The following PCDH9 variants were observed in gnomAD, a reference collection of about 807,000 sequenced individuals.
PCDH9 encodes the protein protocadherin 9.
In PCDH9, 24 loss-of-function variants were observed where a neutral mutation model predicts 70.6. The ratio of observed to expected loss-of-function variants is 0.34; its 90% CI spans 0.25 to 0.48. The LOEUF (loss-of-function observed/expected upper bound fraction) is 0.48. Ranked by LOEUF, PCDH9 falls within the 20% of genes least tolerant of loss-of-function variation. PCDH9 has a pLI of 0.99. For synonymous variants in PCDH9, 562 were observed against 558.5 expected, an observed-to-expected ratio of 1.01 and a Z score of -0.09; for missense variants, 1,281 against 1,503.6, an observed-to-expected ratio of 0.85 and a Z score of 2.45.
At chr13:67,054,603 A>C (rs1421699513) in intron 2 of PCDH9, among the ~76,000 whole-genome samples, 2 of 152,166 alleles carry the variant, frequency 1.3e-5, no homozygotes, top group Non-Finnish European at 2.9e-5. Context: ...GTTTTTGACA[A>C]TTATGTTAAC....
At chr13:66,609,351 A>T (rs904099202) in intron 4 of PCDH9, among the ~76,000 whole-genome samples, 3 of 152,158 alleles carry the variant, frequency 2.0e-5, no homozygotes, top group Non-Finnish European at 4.4e-5. Flanking sequence ...CTTTTTGCTA[A>T]CTTAAAATGT....
intron 3 of PCDH9, among the ~76,000 whole-genome samples, chr13:66,664,098 T>C (rs1404533710): frequency 6.6e-6 from 1 of 152,198 alleles, no homozygotes; most frequent in Admixed American, 6.5e-5. Flanking sequence ...ACATACAAAG[T>C]GTGATATATA....
intron 4 of PCDH9, among the ~76,000 whole-genome samples, chr13:66,541,807 A>G (rs568514675): frequency 6.6e-6 from 1 of 152,318 alleles, no homozygotes; most frequent in Admixed American, 6.5e-5. Context: ...CAGAGTAGAT[A>G]CTCAGTTATA....
intron 4 of PCDH9, among the ~76,000 whole-genome samples, chr13:66,347,973 C>T (rs1384008258): frequency 6.6e-6 from 1 of 152,152 alleles, no homozygotes; most frequent in Non-Finnish European, 1.5e-5. Context: ...AAATAGCAGC[C>T]TTTCTTCAGG....
intron 4 of PCDH9, among the ~76,000 whole-genome samples, chr13:66,551,087 C>A (rs1961465879): frequency 6.6e-6 from 1 of 151,986 alleles, no homozygotes; most frequent in Non-Finnish European, 1.5e-5. Flanking sequence ...TTTTTAATTT[C>A]TCATTTTCTA....
At chr13:66,681,485 T>C (rs895776332) in intron 3 of PCDH9, among the ~76,000 whole-genome samples, 49 of 152,108 alleles carry the variant, frequency 3.2e-4, no homozygotes, top group African/African-American at 1.2e-3. Context: ...CCAAAATGCT[T>C]AACAGGACTT....
intron 3 of PCDH9, among the ~76,000 whole-genome samples, chr13:66,743,349 TG>T (rs1345772046): frequency 3.4e-5 from 3 of 88,232 alleles, no homozygotes; most frequent in African/African-American, 4.7e-5. Context: ...TGTGGTGGGG[TG>T]GGGGGAGGGG....
intron 2 of PCDH9, among the ~76,000 whole-genome samples, chr13:67,169,568 ATAAAC>A (rs1234127510): frequency 6.6e-6 from 1 of 152,172 alleles, no homozygotes; most frequent in African/African-American, 2.4e-5. Context: ...ATGTTCCACA[ATAAAC>A]TAAAGGGATT....
intron 3 of PCDH9, among the ~76,000 whole-genome samples, chr13:66,902,308 G>C (rs1057022432): frequency 6.6e-6 from 1 of 151,618 alleles, no homozygotes; most frequent in Non-Finnish European, 1.5e-5. Context: ...TTAGGGGATA[G>C]AGCTGTTCGA....
intron 2 of PCDH9, chr13:67,218,253 T>C (rs2089651475): frequency 6.6e-6 from 1 of 152,100 alleles, no homozygotes; most frequent in Non-Finnish European, 1.5e-5. Flanking sequence ...TGTGATGGCA[T>C]TCATCTGGAG....
intron 2 of PCDH9, among the ~76,000 whole-genome samples, chr13:66,928,418 C>T (rs749526121): frequency 1.4e-4 from 22 of 152,008 alleles, no homozygotes; most frequent in Non-Finnish European, 2.5e-4. Context: ...TAGTATTATT[C>T]CCATTTTTCT....
At chr13:66,392,377 T>C (rs1957032762) in intron 4 of PCDH9, among the ~76,000 whole-genome samples, 1 of 152,114 alleles carries the variant, frequency 6.6e-6, no homozygotes, top group African/African-American at 2.4e-5. Context: ...AAAAATTATA[T>C]AGCTCTCATA....
intron 4 of PCDH9, among the ~76,000 whole-genome samples, chr13:66,459,745 T>C (rs1411859088): frequency 6.6e-6 from 1 of 152,024 alleles, no homozygotes; most frequent in Non-Finnish European, 1.5e-5. Context: ...TATGCATTAA[T>C]GTTTGATGTT....
intron 4 of PCDH9, among the ~76,000 whole-genome samples, chr13:66,614,661 G>A (rs1335831743): frequency 6.6e-6 from 1 of 152,166 alleles, no homozygotes; most frequent in African/African-American, 2.4e-5. Flanking sequence ...AGAAAAGAGA[G>A]GATTATTTGA....
rs137981862 is a variant in PCDH9, at chr13:66,696,303, A to G, written c.3139-64892T>C. Among the ~76,000 whole-genome samples the G allele has an allele frequency of 2.1e-3, 323 of 152,324 alleles. 1 individual carries two copies. The highest frequency in any genetic ancestry group is 7.5e-3 in the African/African-American group (313 of 41,586). The stretch of plus-strand genomic sequence containing the variant: ...ACTTCATTTATGTTACACCAACTCA[A>G]TATTCAGTTATCATTGATGTACTTT... On this transcript the variant is annotated intron_variant, in intron 3 of 4. Transcript: ENST00000377865.
chr13:66,961,316 G>A (rs1258208898), intron 2 of PCDH9, among the ~76,000 whole-genome samples: 1 of 152,026 alleles, frequency 6.6e-6, no homozygotes, highest in Non-Finnish European at 1.5e-5. Flanking sequence ...GCACAATAAT[G>A]GCAAAAAACA....
chr13:66,519,265 T>C (rs1332589895), intron 4 of PCDH9, among the ~76,000 whole-genome samples: 3 of 152,062 alleles, frequency 2.0e-5, no homozygotes, highest in African/African-American at 7.2e-5. Flanking sequence ...AAAAACCAGA[T>C]ACCTGGTAAG....
chr13:66,781,980 T>C (rs916306147), intron 3 of PCDH9, among the ~76,000 whole-genome samples: 1 of 152,156 alleles, frequency 6.6e-6, no homozygotes, highest in Non-Finnish European at 1.5e-5. Context: ...GAACAGCCAT[T>C]AAAGAGATAA....
At chr13:66,733,105 TC>T (rs1296420911) in intron 3 of PCDH9, among the ~76,000 whole-genome samples, 2 of 152,126 alleles carry the variant, frequency 1.3e-5, no homozygotes, top group Admixed American at 1.3e-4. Flanking sequence ...GTGATGTAGA[TC>T]ATTATCCTAT....
Sources: gnomAD v4.1 joint callset for allele counts (sites outside exome capture counted in the v4.1 genomes callset) on GRCh38, gnomAD v4.1.1 for gene constraint, MANE v1.5 for transcripts, NCBI Gene and HGNC (gene_info 2026-07-23, HGNC 2026-07-21) for gene names.